LRBA: variants seen among roughly 807,000 people sequenced by gnomAD.
LRBA encodes LPS responsive beige-like anchor protein.
A neutral mutation model predicts 330.0 loss-of-function variants in LRBA; 176 were observed. The observed-to-expected ratio is 0.53, with a 90% CI of 0.47 to 0.60. LRBA has a LOEUF of 0.60. Ranked by LOEUF, LRBA falls within the 20% of genes least tolerant of loss-of-function variation. The probability of loss-of-function intolerance (pLI) is 0.00; values close to 1 mark genes in which losing one functional copy is unlikely to be tolerated. For missense variants in LRBA, 3,259 were observed against 3,444.8 expected, an observed-to-expected ratio of 0.95 and a Z score of 1.35; for synonymous variants, 1,230 against 1,193.0, an observed-to-expected ratio of 1.03 and a Z score of -0.64.
chr4:150,441,564 T>G (rs1269129443), intron 44 of LRBA, among the ~76,000 whole-genome samples: 1 of 152,054 alleles, frequency 6.6e-6, no homozygotes, highest in African/African-American at 2.4e-5. Flanking sequence ...TATTAAAATT[T>G]TAGGAACTCT....
intron 40 of LRBA, among the ~76,000 whole-genome samples, chr4:150,492,503 T>C (rs1453382592): frequency 6.6e-6 from 1 of 152,140 alleles, no homozygotes; most frequent in Non-Finnish European, 1.5e-5. Context: ...TTCTCTCACT[T>C]TGACCAGAGA....
At chr4:150,721,494 G>C (rs1288810411) in intron 36 of LRBA, 2 of 235,638 alleles carry the variant, frequency 8.5e-6, no homozygotes, top group Non-Finnish European at 1.6e-5. Context: ...AAAAAGAAAA[G>C]ACTCCTAAGA....
chr4:150,859,529 T>TTAC (rs1751641745), intron 22 of LRBA, among the ~76,000 whole-genome samples: 1 of 152,002 alleles, frequency 6.6e-6, no homozygotes, highest in African/African-American at 2.4e-5. Context: ...ATCACAAACG[T>TTAC]TACTAGGTGC....
At position 150,921,381 on chromosome 4, in the gene LRBA, T is replaced by C. The variant is rs1733245298; in HGVS notation, c.550-88A>G. On this transcript the variant is annotated intron_variant, in intron 4 of 56. Coordinates refer to ENST00000651943, the MANE Select transcript of LRBA (RefSeq NM_001364905.1). The stretch of plus-strand genomic sequence containing the variant: ...TTTAATATAGTCTTGCTGTAATATA[T>C]ACAGGAATAATGCTATAAGGTTAAA... 3 of 777,288 alleles carry C rather than the reference T, an allele frequency of 3.9e-6. No individual in the cohort carries two copies. In the Admixed American group the frequency reaches 6.2e-5, roughly 16 times the overall value. The allele number at this position is 777,288 out of a possible 1,614,324, so 48.1% of individuals were successfully genotyped here. A position where few individuals can be genotyped will look rare whatever the true frequency, so the allele number is the denominator to read the frequency against.
Position 150,852,194 on chromosome 4 carries a change from T to A in LRBA, c.3516A>T (p.Gln1172His), listed in dbSNP as rs746472568. The A allele has an allele frequency of 2.4e-5, 39 of 1,614,068 alleles. No homozygotes were observed. The highest frequency in any genetic ancestry group is 3.1e-5 in the Non-Finnish European group (36 of 1,180,026). Residue 1172 changes from glutamine to histidine, a missense_variant, in exon 23 of 57, where the codon CAA (glutamine) becomes CAT (histidine). Coordinates refer to ENST00000651943, the MANE Select transcript of LRBA (RefSeq NM_001364905.1). ...TCTGAATTCCAGAATCTTTAGAATC[T>A]TGAGTTTCAGTATCAGTTTGCTTTT... ...VTEKQTDTETQDSKDSGIQTM... is the reference protein window; with the variant it reads ...VTEKQTDTETHDSKDSGIQTM...
intron 40 of LRBA, chr4:150,582,726 C>T (rs542449929): frequency 9.3e-5 from 27 of 289,276 alleles, no homozygotes; most frequent in African/African-American, 3.9e-4. Flanking sequence ...CTCTCGCACA[C>T]GGTCATCTTT....
rs1292016183 is a variant in LRBA, at chr4:150,574,022, C to T, written c.6330+14026G>A. Among the ~76,000 whole-genome samples the T allele has an allele frequency of 4.0e-5, 6 of 151,792 alleles. No individual in the cohort carries two copies. In the East Asian group the frequency reaches 1.2e-3, roughly 29 times the overall value. ...TCAAGAACTAATATTTACACAATAC[C>T]CAATGTTCATTAAAATGTCCAAAAC... is the stretch of plus-strand genomic sequence containing the variant. On this transcript the variant is annotated intron_variant, in intron 40 of 56. Coordinates refer to ENST00000651943, the MANE Select transcript of LRBA (RefSeq NM_001364905.1).
In LRBA at chr4:150,669,742, T is replaced by C. The variant is rs182093101; in HGVS notation, c.5921+13809A>G. 2.3e-3 allele frequency among the ~76,000 whole-genome samples: 353 copies of C among 152,218 alleles called. 2 individuals carry two copies. Among genetic ancestry groups the C allele is most frequent in the Non-Finnish European group, 3.8e-3 (257 of 68,008 alleles). On this transcript the variant is annotated intron_variant, in intron 37 of 56. Coordinates refer to ENST00000651943, the MANE Select transcript of LRBA (RefSeq NM_001364905.1). ...CACCACGCCCAGATAATTGTTGTAT[T>C]TTTAGTAGATACAGGGTTTCACCAA...
chr4:150,734,308 G>A (rs1730898673), intron 36 of LRBA, among the ~76,000 whole-genome samples: 1 of 151,814 alleles, frequency 6.6e-6, no homozygotes, highest in Non-Finnish European at 1.5e-5. Context: ...AAAATTTTCA[G>A]TCATCATACT....
intron 5 of LRBA, among the ~76,000 whole-genome samples, chr4:150,920,535 G>A (rs1733138840): frequency 6.6e-6 from 1 of 152,096 alleles, no homozygotes; most frequent in Non-Finnish European, 1.5e-5. Flanking sequence ...GGCAACAAGA[G>A]CAAAACTCCA....
chr4:150,793,735 C>T (rs548530024), intron 34 of LRBA, among the ~76,000 whole-genome samples: 2 of 151,892 alleles, frequency 1.3e-5, no homozygotes, highest in Non-Finnish European at 2.9e-5. Context: ...CTCATTTAGG[C>T]GTAGAGTTGT....
intron 33 of LRBA, among the ~76,000 whole-genome samples, chr4:150,805,488 GAA>G (rs1726323153): frequency 7.5e-6 from 1 of 134,136 alleles, no homozygotes. Context: ...GAAAGGAAAG[GAA>G]AGGAGAAGGA....
intron 18 of LRBA, 31 bp from the exon 19 acceptor site, chr4:150,871,484 G>A: frequency 7.4e-7 from 1 of 1,347,858 alleles, no homozygotes; most frequent in Non-Finnish European, 1.1e-6. Context: ...ATCATCAAAT[G>A]TAGAGCTTTT....
At chr4:150,858,045 A>AGT (rs1344061728) in intron 22 of LRBA, among the ~76,000 whole-genome samples, 7 of 148,016 alleles carry the variant, frequency 4.7e-5, no homozygotes, top group African/African-American at 1.9e-4. Flanking sequence ...TAAAATGTTA[A>AGT]TAAGTTATAC....
chr4:151,006,290 C>T (rs1200504377), intron 2 of LRBA, among the ~76,000 whole-genome samples: 1 of 152,078 alleles, frequency 6.6e-6, no homozygotes, highest in Non-Finnish European at 1.5e-5. Context: ...CACGCCACTA[C>T]ACTGCAGTAT....
intron 44 of LRBA, among the ~76,000 whole-genome samples, chr4:150,454,930 G>C (rs932069464): frequency 1.4e-5 from 2 of 144,148 alleles, no homozygotes; most frequent in African/African-American, 5.0e-5. Flanking sequence ...TTGGTGTTCA[G>C]TGTTTTTTAT....
At chr4:150,448,598 T>C (rs1046347585) in intron 44 of LRBA, among the ~76,000 whole-genome samples, 1 of 151,788 alleles carries the variant, frequency 6.6e-6, no homozygotes, top group Non-Finnish European at 1.5e-5. Flanking sequence ...GGTTAGGAGT[T>C]AGAGATCAGC....
chr4:150,269,943 CAAAA>C (rs1256295458), intron 56 of LRBA, among the ~76,000 whole-genome samples: 1 of 151,922 alleles, frequency 6.6e-6, no homozygotes, highest in Non-Finnish European at 1.5e-5. Context: ...GACCCTGTCT[CAAAA>C]AACAAACAAA....
At chr4:150,418,688 C>G (rs1748134605) in intron 46 of LRBA, among the ~76,000 whole-genome samples, 2 of 152,152 alleles carry the variant, frequency 1.3e-5, no homozygotes, top group African/African-American at 2.4e-5. Flanking sequence ...TTGTGTTTTA[C>G]TCTATTTTTT....
Sources: gnomAD v4.1 joint callset for allele counts (sites outside exome capture counted in the v4.1 genomes callset) on GRCh38, gnomAD v4.1.1 for gene constraint, MANE v1.5 for transcripts, NCBI Gene and HGNC (gene_info 2026-07-23, HGNC 2026-07-21) for gene names.